Variants in SLC9A9 observed in about 807,000 individuals in gnomAD.
SLC9A9 encodes the protein solute carrier family 9 member A9.
Under a neutral mutation model 77.8 loss-of-function variants are expected in SLC9A9, and 62 were observed. The ratio of observed to expected loss-of-function variants is 0.80; its 90% confidence interval spans 0.65 to 0.98. The LOEUF is 0.98. Among genes scored for constraint, SLC9A9 ranks in the 50% least tolerant of loss-of-function variants. SLC9A9 has a pLI of 0.00. For synonymous variants in SLC9A9, 320 were observed against 283.5 expected (o/e 1.13, Z -1.29); for missense variants, 775 against 774.9 (o/e 1.00, Z 0.00).
intron 8 of SLC9A9, among the ~76,000 whole-genome samples, chr3:143,571,665 C>T (rs1035910741): frequency 6.6e-6 from 1 of 152,040 alleles, no homozygotes; most frequent in African/African-American, 2.4e-5. Context: ...CTGTATAACT[C>T]ATCATGTTCC....
chr3:143,823,658 TA>T (rs1348105419), intron 2 of SLC9A9, among the ~76,000 whole-genome samples: 31 of 150,314 alleles, frequency 2.1e-4, no homozygotes, highest in African/African-American at 7.1e-4. Flanking sequence ...AAATAAAAAA[TA>T]AAAAAATTAA....
At chr3:143,576,255 T>C (rs2037357186) in intron 7 of SLC9A9, among the ~76,000 whole-genome samples, 1 of 152,242 alleles carries the variant, frequency 6.6e-6, no homozygotes, top group Non-Finnish European at 1.5e-5. Context: ...ATTGGGATAG[T>C]AACAGTATCT....
chr3:143,302,394 A>T (rs2030560530), intron 14 of SLC9A9, among the ~76,000 whole-genome samples: 1 of 152,254 alleles, frequency 6.6e-6, no homozygotes, highest in South Asian at 2.1e-4. Context: ...AGATGCCAGA[A>T]AATAGAAAGA....
At chr3:143,475,050 C>T (rs2035449927) in intron 11 of SLC9A9, among the ~76,000 whole-genome samples, 1 of 151,520 alleles carries the variant, frequency 6.6e-6, no homozygotes, top group Non-Finnish European at 1.5e-5. Context: ...CCTCCGCCTC[C>T]TGGGTTCAAG....
intron 3 of SLC9A9, 46 bp from the exon 4 acceptor site, chr3:143,795,123 C>T: frequency 6.5e-7 from 1 of 1,543,368 alleles, no homozygotes; most frequent in Non-Finnish European, 8.9e-7. Context: ...AGAATTTTTT[C>T]TTAGTGCAAA....
intron 14 of SLC9A9, among the ~76,000 whole-genome samples, chr3:143,341,585 G>A (rs961839377): frequency 5.9e-5 from 9 of 152,244 alleles, no homozygotes; most frequent in African/African-American, 2.2e-4. Context: ...GAGAAATGTG[G>A]AGAGGAATAA....
rs935754797 is a variant in SLC9A9, at chr3:143,574,127, A to C, written c.961T>G (p.Trp321Gly). The change falls in exon 8 of 16, where the codon TGG (tryptophan) becomes GGG (glycine). Residue 321 changes from tryptophan to glycine, a missense_variant. By Grantham distance (184) the Trp-to-Gly change is radical. Transcript: ENST00000316549. ...LETGLFFLLS[W>G]SAFLSAEAAG... ...GCCTCGGCAGACAGGAAGGCACTCC[A>C]AGAAAGCAGGAAAAACAGGCCGGTT... 6.2e-7 allele frequency: 1 copy of C among 1,613,614 alleles called. No individual in the cohort carries two copies. Among genetic ancestry groups the C allele is most frequent in the East Asian group, 2.2e-5 (1 of 44,856 alleles).
At chr3:143,346,846 T>C (rs894769006) in intron 14 of SLC9A9, 1 of 152,008 alleles carries the variant, frequency 6.6e-6, no homozygotes, top group Admixed American at 6.6e-5. Context: ...AGAAATAAAA[T>C]ACTAACTATA....
At chr3:143,468,122 T>C (rs112099198) in intron 11 of SLC9A9, among the ~76,000 whole-genome samples, 1,559 of 152,336 alleles carry the variant, frequency 0.01, 27 homozygotes, top group African/African-American at 0.034. Flanking sequence ...CAAGAAAGGA[T>C]GCTAAAATTT....
intron 4 of SLC9A9, among the ~76,000 whole-genome samples, chr3:143,726,137 G>C (rs973003895): frequency 6.6e-6 from 1 of 150,822 alleles, no homozygotes; most frequent in Non-Finnish European, 1.5e-5. Context: ...AAATACTTAG[G>C]TGATAGGTTG....
chr3:143,727,773 A>C (rs1934695510), intron 4 of SLC9A9, among the ~76,000 whole-genome samples: 1 of 152,232 alleles, frequency 6.6e-6, no homozygotes. Flanking sequence ...TGCTTTTGAC[A>C]ATGACCCATC....
chr3:143,711,944 G>A (rs911360518), intron 4 of SLC9A9, among the ~76,000 whole-genome samples: 1 of 152,162 alleles, frequency 6.6e-6, no homozygotes, highest in Non-Finnish European at 1.5e-5. Context: ...AAATATTTCT[G>A]ACAATCACCT....
At chr3:143,574,966 T>C (rs1254684431) in intron 7 of SLC9A9, among the ~76,000 whole-genome samples, 1 of 152,148 alleles carries the variant, frequency 6.6e-6, no homozygotes, top group Non-Finnish European at 1.5e-5. Flanking sequence ...AATAAGGAGA[T>C]GTGATCGTGT....
intron 4 of SLC9A9, among the ~76,000 whole-genome samples, chr3:143,766,621 G>A (rs1263750632): frequency 1.3e-5 from 2 of 152,248 alleles, no homozygotes; most frequent in East Asian, 3.9e-4. Context: ...CCAGACTGGA[G>A]AGCAGTGGCC....
chr3:143,825,350 T>C (rs1253032078), intron 2 of SLC9A9, among the ~76,000 whole-genome samples: 3 of 151,120 alleles, frequency 2.0e-5, no homozygotes, highest in Admixed American at 6.6e-5. Context: ...CAAATAAATA[T>C]ATGAGAATTA....
chr3:143,339,984 G>A (rs951774376), intron 14 of SLC9A9, among the ~76,000 whole-genome samples: 4 of 152,156 alleles, frequency 2.6e-5, no homozygotes, highest in Admixed American at 6.5e-5. Context: ...CTAATGCATA[G>A]GAGAAATCTC....
chr3:143,428,143 A>G (rs2034439613), intron 12 of SLC9A9, among the ~76,000 whole-genome samples: 1 of 152,200 alleles, frequency 6.6e-6, no homozygotes, highest in Admixed American at 6.5e-5. Context: ...GAGACAACCT[A>G]GAGACTGGGA....
In SLC9A9 at chr3:143,584,989, C is replaced by T. The variant is rs1483927485; in HGVS notation, c.756-6266G>A. Among the ~76,000 whole-genome samples the T allele has an allele frequency of 3.3e-5, 5 of 152,220 alleles. 1 individual carries two copies. The highest frequency in any genetic ancestry group is 1.2e-4 in the African/African-American group (5 of 41,462). On this transcript the variant is annotated intron_variant, in intron 6 of 15. Transcript: ENST00000316549. The stretch of plus-strand genomic sequence containing the variant: ...AGGAGGGCTGGGGAGCCCAGCTCTC[C>T]TCTTTATGGGCGTAACTGCTTGTCA...
At chr3:143,847,320 G>A (rs570705776) in intron 1 of SLC9A9, among the ~76,000 whole-genome samples, 65 of 152,270 alleles carry the variant, frequency 4.3e-4, no homozygotes, top group African/African-American at 1.5e-3. Flanking sequence ...TATTTCATCA[G>A]TAACACCAGT....
Sources: allele counts gnomAD v4.1 joint callset (sites outside exome capture counted in the v4.1 genomes callset), GRCh38; gene constraint gnomAD v4.1.1; transcripts MANE v1.5; gene names NCBI Gene and HGNC (gene_info 2026-07-23, HGNC 2026-07-21).